The following ESRP1 variants were observed in gnomAD, a reference collection of about 807,000 sequenced individuals.
The protein encoded by ESRP1 is epithelial splicing regulatory protein 1.
Under a neutral mutation model 81.7 loss-of-function variants are expected in ESRP1, and 33 were observed. The observed-to-expected ratio is 0.40, with a 90% CI of 0.31 to 0.54. ESRP1 has a LOEUF of 0.54. Among genes scored for constraint, ESRP1 ranks in the 20% least tolerant of loss-of-function variants. The probability of loss-of-function intolerance (pLI) is 0.41; values close to 1 mark genes in which losing one functional copy is unlikely to be tolerated. For synonymous variants in ESRP1, 320 were observed against 303.3 expected, an observed-to-expected ratio of 1.06 and a Z score of -0.57; for missense variants, 672 against 833.1, an observed-to-expected ratio of 0.81 and a Z score of 2.38.
At chr8:94,682,464 T>G (rs968086040) in intron 13 of ESRP1, among the ~76,000 whole-genome samples, 1 of 152,140 alleles carries the variant, frequency 6.6e-6, no homozygotes, top group African/African-American at 2.4e-5. Context: ...TCTCCCAGGC[T>G]CAAGCGATCC....
At chr8:94,655,590 C>A (rs915930412) in intron 4 of ESRP1, among the ~76,000 whole-genome samples, 1 of 151,772 alleles carries the variant, frequency 6.6e-6, no homozygotes, top group South Asian at 2.1e-4. Context: ...GTAGAACTTA[C>A]ATTTAAAATT....
At chr8:94,704,174 A>G (rs1435530940) in intron 15 of ESRP1, among the ~76,000 whole-genome samples, 2 of 60,192 alleles carry the variant, frequency 3.3e-5, no homozygotes, top group African/African-American at 2.9e-4. Flanking sequence ...TGCTTCTGAG[A>G]CTTTTTTTTT....
Position 94,667,955 on chromosome 8 carries a change from C to T in ESRP1, c.938C>T (p.Ser313Phe), listed in dbSNP as rs748804404. 6.3e-7 allele frequency: 1 copy of T among 1,582,462 alleles called. No homozygotes were observed. The highest frequency in any genetic ancestry group is 8.6e-7 in the Non-Finnish European group (1 of 1,163,514). The part of the protein sequence containing the change: ...EDFLKIAGGT[S>F]NEVAQFLSKE... Reference sequence around the variant, plus strand: ...TAATATTTGTTTTCCCTAGGTACTTCCAATGAGGTAGCCCAGTTTCTCTCC... The same window carrying T: ...TAATATTTGTTTTCCCTAGGTACTTTCAATGAGGTAGCCCAGTTTCTCTCC... Residue 313 changes from serine (S) to phenylalanine (F), a missense_variant, in exon 10 of 16, where the codon TCC becomes TTC. Coordinates refer to ENST00000433389, the MANE Select transcript of ESRP1 (RefSeq NM_017697.4).
rs56220336 is a variant in ESRP1, at chr8:94,689,249, CAAAAAA to C, written c.1821-3408_1821-3403del. Among the ~76,000 whole-genome samples, 675 of 98,824 alleles carry C rather than the reference CAAAAAA, an allele frequency of 6.8e-3. 4 individuals are homozygous for C. Among genetic ancestry groups the C allele is most frequent in the African/African-American group, 0.028 (633 of 22,766 alleles). 64.8% of individuals were successfully genotyped at this position (98,824 alleles called of 152,430 possible). On this transcript the variant is annotated intron_variant, in intron 13 of 15. Transcript: ENST00000433389. ...CTGGGTGATAGCGAGACTCAGTCTC[CAAAAAA>C]AAAAAAAAAAAAAAAAAAATCATAT...
At chr8:94,646,769 G>A (rs1238270992) in intron 4 of ESRP1, among the ~76,000 whole-genome samples, 2 of 152,190 alleles carry the variant, frequency 1.3e-5, no homozygotes, top group East Asian at 3.9e-4. Context: ...ATTATAATAA[G>A]CCATCTTTGG....
chr8:94,664,453 C>A (rs1818918283), intron 6 of ESRP1, among the ~76,000 whole-genome samples: 1 of 152,090 alleles, frequency 6.6e-6, no homozygotes, highest in Admixed American at 6.6e-5. Flanking sequence ...AGATGGTTTG[C>A]TGAGTGAGCT....
At chr8:94,671,790 T>C (rs1819344966) in intron 11 of ESRP1, 119 bp downstream of exon 11, 1 of 616,646 alleles carries the variant, frequency 1.6e-6, no homozygotes, top group Admixed American at 3.6e-5. Context: ...TAGTCTTTGA[T>C]AAATAAAATT....
At chr8:94,676,266 T>C (rs77796127) in intron 12 of ESRP1, among the ~76,000 whole-genome samples, 4,981 of 150,328 alleles carry the variant, frequency 0.033, 267 homozygotes, top group African/African-American at 0.11. Context: ...GCAGGAGAAT[T>C]GCTTGATCAC....
At chr8:94,641,841 T>A in intron 1 of ESRP1, 115 bp from the exon 2 acceptor site, 1 of 1,484,736 alleles carries the variant, frequency 6.7e-7, no homozygotes, top group Non-Finnish European at 9.0e-7. Context: ...GCTTTGATTC[T>A]GCGTCCGGAC....
intron 11 of ESRP1, among the ~76,000 whole-genome samples, chr8:94,673,395 A>G (rs1444324086): frequency 2.0e-5 from 3 of 152,172 alleles, no homozygotes; most frequent in Admixed American, 1.3e-4. Flanking sequence ...TCCATCTTGG[A>G]CTGGGTTTGT....
Position 94,641,661 on chromosome 8 carries a change from G to A in ESRP1, c.132+211G>A. On this transcript the variant is annotated intron_variant, in intron 1 of 15. Coordinates refer to ENST00000433389, the MANE Select transcript of ESRP1 (RefSeq NM_017697.4). ...TTCAGTCCTCCGCAACTTAGCTCAG[G>A]TGGAGAGGCCGGCGCTACCGAGCCG... The A allele has an allele frequency of 3.9e-6, 3 of 765,644 alleles. No homozygotes were observed. In the South Asian group the frequency reaches 5.9e-5, roughly 15 times the overall value. 47.4% of individuals were successfully genotyped at this position (765,644 alleles called of 1,614,324 possible). A position where few individuals can be genotyped will look rare whatever the true frequency, so the allele number is the denominator to read the frequency against.
chr8:94,670,971 C>G (rs1301590060), intron 10 of ESRP1, among the ~76,000 whole-genome samples: 1 of 152,120 alleles, frequency 6.6e-6, no homozygotes, highest in East Asian at 1.9e-4. Context: ...GGGTCATTCT[C>G]TATTTCTTTG....
chr8:94,654,635 T>TAAG (rs1423509707), intron 4 of ESRP1, among the ~76,000 whole-genome samples: 1 of 151,708 alleles, frequency 6.6e-6, no homozygotes, highest in African/African-American at 2.4e-5. Context: ...CCTCTAAGAG[T>TAAG]AAGAGGCTGG....
At chr8:94,695,113 C>T (rs1280458743) in intron 14 of ESRP1, among the ~76,000 whole-genome samples, 1 of 152,052 alleles carries the variant, frequency 6.6e-6, no homozygotes, top group Non-Finnish European at 1.5e-5. Flanking sequence ...CTATGGGGTT[C>T]CATCTTCTTT....
At chr8:94,666,316 G>T (rs1373222539) in intron 9 of ESRP1, among the ~76,000 whole-genome samples, 4 of 152,204 alleles carry the variant, frequency 2.6e-5, no homozygotes, top group Admixed American at 1.3e-4. Flanking sequence ...GAGCCTTGGT[G>T]TATTTTGAGA....
chr8:94,686,981 T>A (rs1809166212), intron 13 of ESRP1, among the ~76,000 whole-genome samples: 1 of 152,244 alleles, frequency 6.6e-6, no homozygotes, highest in Non-Finnish European at 1.5e-5. Context: ...TTTACCTATT[T>A]TAGGTGTTCG....
intron 1 of ESRP1, 163 bp downstream of exon 1, chr8:94,641,613 T>C (rs1248416679): frequency 5.1e-6 from 5 of 981,202 alleles, no homozygotes; most frequent in Admixed American, 2.4e-5. Context: ...ACCAAACTTA[T>C]TGGCCAACTG....
chr8:94,692,132 T>A (rs961049688), intron 13 of ESRP1, among the ~76,000 whole-genome samples: 3 of 152,172 alleles, frequency 2.0e-5, no homozygotes, highest in Admixed American at 2.0e-4. Context: ...GCCACCCCCA[T>A]TTTTTAAAAG....
chr8:94,684,293 AGTG>A (rs1439100128), intron 13 of ESRP1, among the ~76,000 whole-genome samples: 5 of 152,148 alleles, frequency 3.3e-5, no homozygotes, highest in Non-Finnish European at 7.4e-5. Context: ...ACTTTCTCTG[AGTG>A]GTAGAAGTGC....
Sources: allele counts gnomAD v4.1 joint callset (sites outside exome capture counted in the v4.1 genomes callset), GRCh38; gene constraint gnomAD v4.1.1; transcripts MANE v1.5; gene names NCBI Gene and HGNC (gene_info 2026-07-23, HGNC 2026-07-21).